IGSF21: variants seen among roughly 807,000 people sequenced by gnomAD.
IGSF21 encodes the protein immunoglobin superfamily member 21.
IGSF21 carries 28 observed loss-of-function variants against 46.8 expected under a neutral mutation model. The observed-to-expected ratio is 0.60, with a 90% CI of 0.44 to 0.82. The LOEUF is 0.82. Among genes scored for constraint, IGSF21 ranks in the 40% least tolerant of loss-of-function variants. IGSF21 has a pLI of 0.00. For missense variants in IGSF21, 624 were observed against 665.5 expected (o/e 0.94, Z 0.69); for synonymous variants, 284 against 273.6 (o/e 1.04, Z -0.38).
intron 2 of IGSF21, among the ~76,000 whole-genome samples, chr1:18,230,166 A>G (rs548442323): frequency 1.3e-5 from 2 of 152,310 alleles, no homozygotes; most frequent in Admixed American, 6.5e-5. Flanking sequence ...TGTAGAAGCC[A>G]GGAGCAGGTT....
At chr1:18,261,839 C>T (rs764591233) in intron 2 of IGSF21, among the ~76,000 whole-genome samples, 6 of 152,176 alleles carry the variant, frequency 3.9e-5, no homozygotes, top group Non-Finnish European at 8.8e-5. Flanking sequence ...GATTTGAGTA[C>T]AAATCATGTA....
chr1:18,311,434 C>T (rs888031499), intron 3 of IGSF21, among the ~76,000 whole-genome samples: 3 of 152,238 alleles, frequency 2.0e-5, no homozygotes, highest in African/African-American at 7.2e-5. Context: ...TCTGGACAGA[C>T]TCCACTGTCA....
chr1:18,313,995 T>C (rs2085515878), intron 3 of IGSF21, among the ~76,000 whole-genome samples: 1 of 152,204 alleles, frequency 6.6e-6, no homozygotes, highest in Non-Finnish European at 1.5e-5. Flanking sequence ...CATGTTGTGA[T>C]ATAACTTTCT....
rs1342821095 is a variant in IGSF21, at chr1:18,155,993, A to G, written c.70+47795A>G. On this transcript the variant is annotated intron_variant, in intron 1 of 9. Transcript: ENST00000251296. Reference sequence around the variant, plus strand: ...GAAGTATTAATACATATAATATATAATTATGATGTGCCACCGGCCTGGCAG... The same window carrying G: ...GAAGTATTAATACATATAATATATAGTTATGATGTGCCACCGGCCTGGCAG... Among the ~76,000 whole-genome samples, 6 of 152,350 alleles carry G rather than the reference A, an allele frequency of 3.9e-5. No homozygotes were observed. The East Asian group carries it at 1.2e-3, about 29-fold the overall frequency.
At chr1:18,260,346 G>T (rs1167722906) in intron 2 of IGSF21, among the ~76,000 whole-genome samples, 1 of 152,232 alleles carries the variant, frequency 6.6e-6, no homozygotes, top group Non-Finnish European at 1.5e-5. Context: ...GCAGGGTGGG[G>T]GAGCCCCAAA....
intron 1 of IGSF21, among the ~76,000 whole-genome samples, chr1:18,139,065 C>T (rs1482466768): frequency 2.0e-5 from 3 of 152,210 alleles, no homozygotes; most frequent in East Asian, 1.9e-4. Flanking sequence ...TGCAGGAGCG[C>T]TCTTCCCTCT....
chr1:18,218,477 G>A (rs2084475707), intron 1 of IGSF21, among the ~76,000 whole-genome samples: 1 of 152,206 alleles, frequency 6.6e-6, no homozygotes, highest in Admixed American at 6.5e-5. Context: ...ATGAAGTGAA[G>A]ACAAGCCTCA....
At chr1:18,127,109 G>A (rs2086280223) in intron 1 of IGSF21, among the ~76,000 whole-genome samples, 1 of 152,190 alleles carries the variant, frequency 6.6e-6, no homozygotes, top group Non-Finnish European at 1.5e-5. Flanking sequence ...TAAGTCACTG[G>A]CTAGATGGGT....
At chr1:18,208,809 A>C (rs917243580) in intron 1 of IGSF21, among the ~76,000 whole-genome samples, 10 of 152,152 alleles carry the variant, frequency 6.6e-5, no homozygotes, top group Non-Finnish European at 1.3e-4. Context: ...TATTTCACAC[A>C]ATGAGATACT....
At chr1:18,326,757 T>A (rs1337763434) in intron 3 of IGSF21, among the ~76,000 whole-genome samples, 2 of 152,204 alleles carry the variant, frequency 1.3e-5, no homozygotes, top group Non-Finnish European at 2.9e-5. Context: ...TGTCTGGGTC[T>A]GGGCCACATC....
intron 1 of IGSF21, among the ~76,000 whole-genome samples, chr1:18,198,689 A>AGT (rs2087034723): frequency 6.6e-6 from 1 of 152,044 alleles, no homozygotes; most frequent in African/African-American, 2.4e-5. Context: ...ATCAAGAGAG[A>AGT]GAGAGAGAGC....
At chr1:18,359,389 A>AT (rs1557659666) in intron 4 of IGSF21, among the ~76,000 whole-genome samples, 46 of 85,714 alleles carry the variant, frequency 5.4e-4, no homozygotes, top group African/African-American at 1.9e-3. Context: ...AAAGAAAGGA[A>AT]GGAAGGAAGG....
intron 6 of IGSF21, among the ~76,000 whole-genome samples, chr1:18,372,030 A>G (rs2086229792): frequency 6.6e-6 from 1 of 152,224 alleles, no homozygotes. Context: ...ACAATTTGAC[A>G]GATTTTAATA....
intron 3 of IGSF21, among the ~76,000 whole-genome samples, chr1:18,319,031 T>G (rs1349228405): frequency 6.6e-6 from 1 of 152,148 alleles, no homozygotes; most frequent in Non-Finnish European, 1.5e-5. Flanking sequence ...TACTTTTGGC[T>G]CCATGCAACA....
intron 1 of IGSF21, chr1:18,112,217 A>G (rs1281742753): frequency 6.6e-6 from 1 of 152,244 alleles, no homozygotes; most frequent in East Asian, 1.9e-4. Flanking sequence ...CGCCTCCGCT[A>G]TAGCCCCAGG....
chr1:18,350,435 G>A (rs1456569921), intron 4 of IGSF21, among the ~76,000 whole-genome samples: 2 of 152,210 alleles, frequency 1.3e-5, no homozygotes, highest in Non-Finnish European at 2.9e-5. Flanking sequence ...CTGGCCAGAA[G>A]TTGTGTTCCT....
chr1:18,240,962 T>C (rs1242317555), intron 2 of IGSF21, among the ~76,000 whole-genome samples: 2 of 151,914 alleles, frequency 1.3e-5, no homozygotes, highest in African/African-American at 4.8e-5. Context: ...TGGGGTTGAG[T>C]ATGGGGCTTC....
chr1:18,300,453 C>A (rs928356610), intron 3 of IGSF21, among the ~76,000 whole-genome samples: 1 of 152,212 alleles, frequency 6.6e-6, no homozygotes, highest in South Asian at 2.1e-4. Context: ...TAAAGCCAGA[C>A]CACTTTTAAT....
chr1:18,262,370 CTG>C (rs1445631102), intron 2 of IGSF21, among the ~76,000 whole-genome samples: 1 of 152,174 alleles, frequency 6.6e-6, no homozygotes, highest in Non-Finnish European at 1.5e-5. Flanking sequence ...GGGATGAACA[CTG>C]TGGCATCTGC....
Sources: gnomAD v4.1 joint callset for allele counts (sites outside exome capture counted in the v4.1 genomes callset) on GRCh38, gnomAD v4.1.1 for gene constraint, MANE v1.5 for transcripts, NCBI Gene and HGNC (gene_info 2026-07-23, HGNC 2026-07-21) for gene names.